The following PDE1C variants were observed in gnomAD, a reference collection of about 807,000 sequenced individuals.
PDE1C encodes the protein dual specificity calcium/calmodulin-dependent 3',5'-cyclic nucleotide phosphodiesterase 1C.
In PDE1C, 62 loss-of-function variants were observed where a neutral mutation model predicts 93.1. That is an observed-to-expected ratio of 0.67 (90% CI 0.54 to 0.82). The LOEUF is 0.82. Among genes scored for constraint, PDE1C ranks in the 40% least tolerant of loss-of-function variants. PDE1C has a pLI of 0.00. For synonymous variants in PDE1C, 325 were observed against 310.1 expected, an observed-to-expected ratio of 1.05 and a Z score of -0.50; for missense variants, 742 against 884.6, an observed-to-expected ratio of 0.84 and a Z score of 2.04.
intron 1 of PDE1C, among the ~76,000 whole-genome samples, chr7:32,361,540 G>T (rs533253598): frequency 6.6e-6 from 1 of 152,290 alleles, no homozygotes; most frequent in South Asian, 2.1e-4. Context: ...CACTGCCCCT[G>T]ACCCTCGCAC....
At chr7:32,129,335 A>C (rs1799790321) in intron 3 of PDE1C, among the ~76,000 whole-genome samples, 2 of 123,690 alleles carry the variant, frequency 1.6e-5, no homozygotes, top group Admixed American at 1.5e-4. Flanking sequence ...GAGAAAACAT[A>C]CACAAATAGT....
chr7:31,683,714 C>T, the PDE1C span, among the ~76,000 whole-genome samples: 5 of 152,170 alleles, frequency 3.3e-5, no homozygotes, highest in African/African-American at 7.2e-5. Context: ...AGCCTCATCA[C>T]TCATCAGCAC....
intron 1 of PDE1C, among the ~76,000 whole-genome samples, chr7:32,289,307 G>A (rs940965836): frequency 3.9e-5 from 6 of 152,280 alleles, no homozygotes; most frequent in South Asian, 2.1e-4. Flanking sequence ...CTCAGAGGCA[G>A]GCTGAGGCAG....
At chr7:31,652,037 A>G in the PDE1C span, 1 of 1,598,450 alleles carries the variant, frequency 6.3e-7, no homozygotes, top group South Asian at 1.1e-5. Context: ...CAAATCAGAG[A>G]AGGGATTTTA....
intron 5 of PDE1C, among the ~76,000 whole-genome samples, chr7:31,877,398 G>C (rs190807058): frequency 1.9e-3 from 294 of 152,206 alleles, no homozygotes; most frequent in African/African-American, 6.6e-3. Context: ...GGCTCAGTGA[G>C]AGTCTTTGGA....
At chr7:32,412,483 C>T (rs6970444) in intron 1 of PDE1C, among the ~76,000 whole-genome samples, 21,599 of 148,442 alleles carry the variant, frequency 0.15, 3,052 homozygotes, top group African/African-American at 0.37. Flanking sequence ...GTTTAGCAAA[C>T]ACATAAATCA....
At chr7:32,343,101 C>T in intron 1 of PDE1C, among the ~76,000 whole-genome samples, 1 of 152,104 alleles carries the variant, frequency 6.6e-6, no homozygotes, top group African/African-American at 2.4e-5. Flanking sequence ...CAGAGGCTGC[C>T]AACAAGGACT....
the PDE1C span, among the ~76,000 whole-genome samples, chr7:31,684,099 GC>G: frequency 6.6e-6 from 1 of 152,140 alleles, no homozygotes; most frequent in Admixed American, 6.5e-5. Flanking sequence ...ATTACCATCT[GC>G]CCTGTCAGTT....
At chr7:31,739,697 T>TAGA in the PDE1C span, among the ~76,000 whole-genome samples, 4 of 152,122 alleles carry the variant, frequency 2.6e-5, no homozygotes, top group Non-Finnish European at 5.9e-5. Flanking sequence ...TATGGTCACG[T>TAGA]AGAAGCACAC....
chr7:31,856,768 G>A (rs1794071858), intron 7 of PDE1C, among the ~76,000 whole-genome samples: 2 of 150,054 alleles, frequency 1.3e-5, no homozygotes, highest in South Asian at 2.1e-4. Context: ...AGCTGGGACC[G>A]AATTCTGGCT....
chr7:32,108,470 G>GA (rs1798465043), intron 3 of PDE1C, among the ~76,000 whole-genome samples: 1 of 149,220 alleles, frequency 6.7e-6, no homozygotes, highest in Non-Finnish European at 1.5e-5. Context: ...AGGAGAAATA[G>GA]AAAAAAATAA....
intron 1 of PDE1C, among the ~76,000 whole-genome samples, chr7:32,228,032 A>G (rs1807420949): frequency 6.6e-6 from 1 of 152,228 alleles, no homozygotes; most frequent in African/African-American, 2.4e-5. Flanking sequence ...AGAGACTCCA[A>G]GCCAAAATCA....
At chr7:31,734,334 G>T in the PDE1C span, among the ~76,000 whole-genome samples, 2 of 152,260 alleles carry the variant, frequency 1.3e-5, no homozygotes, top group East Asian at 3.9e-4. Context: ...GGCCCCAGAG[G>T]TTGGCAACCT....
the PDE1C span, chr7:31,642,345 C>A: frequency 2.2e-6 from 2 of 889,462 alleles, no homozygotes; most frequent in South Asian, 3.5e-5. Context: ...AAACCTCACT[C>A]ACAGCTAACT....
chr7:32,076,643 AAAAAAAAAAAAAAAG>A (rs1796371851), intron 3 of PDE1C, among the ~76,000 whole-genome samples: 1 of 138,286 alleles, frequency 7.2e-6, no homozygotes, highest in Admixed American at 7.2e-5. Flanking sequence ...ACTCCATCTC[AAAAAAAAAAAAAAAG>A]AAAAAAAGAA....
At chr7:32,008,462 C>T (rs75697661) in intron 2 of PDE1C, among the ~76,000 whole-genome samples, 13,397 of 152,234 alleles carry the variant, frequency 0.088, 721 homozygotes, top group Middle Eastern at 0.13. Context: ...GAACTACACT[C>T]GAGTACAAGT....
chr7:31,716,135 G>C, the PDE1C span, among the ~76,000 whole-genome samples: 1 of 152,170 alleles, frequency 6.6e-6, no homozygotes. Flanking sequence ...GGCAAGTGAG[G>C]TGTCTGTGGT....
chr7:31,780,966 G>C (rs1400875482), intron 16 of PDE1C, among the ~76,000 whole-genome samples: 1 of 152,186 alleles, frequency 6.6e-6, no homozygotes, highest in Non-Finnish European at 1.5e-5. Context: ...GCTAGGGGCA[G>C]AGATGTCACC....
chr7:31,754,697 A>G (rs757296682), intron 17 of PDE1C, among the ~76,000 whole-genome samples: 13 of 152,234 alleles, frequency 8.5e-5, no homozygotes, highest in Non-Finnish European at 1.5e-4. Context: ...ACATAACTAT[A>G]GAGATGATAA....
Sources: allele counts gnomAD v4.1 joint callset (sites outside exome capture counted in the v4.1 genomes callset), GRCh38; gene constraint gnomAD v4.1.1; transcripts MANE v1.5; gene names NCBI Gene and HGNC (gene_info 2026-07-23, HGNC 2026-07-21).